CTNNA1: variants seen among roughly 807,000 people sequenced by gnomAD.
CTNNA1 encodes the protein catenin alpha-1.
A neutral mutation model predicts 98.4 loss-of-function variants in CTNNA1; 37 were observed. The observed-to-expected ratio is 0.38, with a 90% CI of 0.29 to 0.49. CTNNA1 has a LOEUF of 0.49. Ranked by LOEUF, CTNNA1 falls within the 20% of genes least tolerant of loss-of-function variation. The pLI is 0.95. For missense variants in CTNNA1, 761 were observed against 1,147.2 expected (o/e 0.66, Z 4.86); for synonymous variants, 404 against 413.2 (o/e 0.98, Z 0.27).
At chr5:138,796,357 C>A (rs770946934) in intron 3 of CTNNA1, among the ~76,000 whole-genome samples, 16 of 150,250 alleles carry the variant, frequency 1.1e-4, no homozygotes, top group Admixed American at 1.3e-4. Context: ...GAGATCGAGA[C>A]CACGGTGAAA....
At chr5:138,787,298 T>C (rs570428848) in intron 3 of CTNNA1, among the ~76,000 whole-genome samples, 1 of 152,028 alleles carries the variant, frequency 6.6e-6, no homozygotes, top group South Asian at 2.1e-4. Flanking sequence ...GGCGTGTTGG[T>C]GGGCACCTGT....
chr5:138,894,281 C>CTTTTT (rs539073038), intron 9 of CTNNA1, among the ~76,000 whole-genome samples: 6 of 123,934 alleles, frequency 4.8e-5, no homozygotes, highest in Non-Finnish European at 7.9e-5. Flanking sequence ...TTTTCTTTCT[C>CTTTTT]TTTTTTTTTT....
At chr5:138,933,105 G>T (rs897361694) in intron 17 of CTNNA1, 1 of 655,582 alleles carries the variant, frequency 1.5e-6, no homozygotes, top group African/African-American at 1.8e-5. Context: ...CTGCACTCCC[G>T]TCTGGGCAAC....
chr5:138,874,992 A>T lies in CTNNA1; in HGVS notation c.1063-11220A>T. Reference sequence around the variant, plus strand: ...GAGTCTGTAAAAGGCTCTAACATGTAGGAGCCTTTGACCAGTTTCCTGTTT... The same window carrying T: ...GAGTCTGTAAAAGGCTCTAACATGTTGGAGCCTTTGACCAGTTTCCTGTTT... On this transcript the variant is annotated intron_variant, in intron 7 of 17. Transcript: ENST00000302763. The surrounding 1 kb of genome is among the most constrained non-coding windows in gnomAD (Gnocchi z 4.1). The T allele has an allele frequency of 8.4e-6, 12 of 1,431,446 alleles. No homozygotes were observed. The highest frequency in any genetic ancestry group is 1.2e-5 in the Non-Finnish European group (12 of 1,022,976). 88.7% of individuals were successfully genotyped at this position (1,431,446 alleles called of 1,614,324 possible).
At chr5:138,803,052 C>T (rs951506443) in intron 3 of CTNNA1, among the ~76,000 whole-genome samples, 1 of 152,138 alleles carries the variant, frequency 6.6e-6, no homozygotes, top group African/African-American at 2.4e-5. Context: ...ATCCTCCTGC[C>T]TCAGCTTCCC....
At chr5:138,793,530 T>C (rs1756594895) in intron 3 of CTNNA1, among the ~76,000 whole-genome samples, 1 of 152,212 alleles carries the variant, frequency 6.6e-6, no homozygotes, top group Non-Finnish European at 1.5e-5. Context: ...GATAATAATA[T>C]TTATGAGTTA....
chr5:138,810,028 T>C lies in CTNNA1; in HGVS notation c.302-10T>C. 1 of 1,591,292 alleles carries C rather than the reference T, an allele frequency of 6.3e-7. No individual in the cohort carries two copies. The highest frequency in any genetic ancestry group is 8.6e-7 in the Non-Finnish European group (1 of 1,161,580). On this transcript the variant is annotated splice_polypyrimidine_tract_variant and intron_variant, in intron 3 of 17. Transcript: ENST00000302763. ...TTCTTGCTGAGTTTGTTTTTCATTC[T>C]GTAAAACAGGTGATTTGATGAAGGC...
At chr5:138,851,621 C>T (rs924081822) in intron 7 of CTNNA1, among the ~76,000 whole-genome samples, 5 of 151,238 alleles carry the variant, frequency 3.3e-5, no homozygotes, top group African/African-American at 7.3e-5. Flanking sequence ...TAGCTGGGCG[C>T]GGTGGCATAC....
intron 7 of CTNNA1, among the ~76,000 whole-genome samples, chr5:138,860,428 C>G (rs1179573817): frequency 6.6e-6 from 1 of 152,148 alleles, no homozygotes; most frequent in Non-Finnish European, 1.5e-5. Context: ...AAATTCCTGA[C>G]CACCTGCTGT....
intron 7 of CTNNA1, among the ~76,000 whole-genome samples, chr5:138,844,594 G>A (rs1428605416): frequency 6.6e-6 from 1 of 152,166 alleles, no homozygotes; most frequent in African/African-American, 2.4e-5. Flanking sequence ...AAGACATAGG[G>A]AGCTTTGTTT....
chr5:138,792,190 G>A (rs1443870453), intron 3 of CTNNA1, among the ~76,000 whole-genome samples: 9 of 152,274 alleles, frequency 5.9e-5, no homozygotes, highest in African/African-American at 1.9e-4. Flanking sequence ...GAAAAAATGT[G>A]TACACACATG....
intron 7 of CTNNA1, among the ~76,000 whole-genome samples, chr5:138,865,572 C>T (rs1223610490): frequency 6.6e-6 from 1 of 152,124 alleles, no homozygotes; most frequent in African/African-American, 2.4e-5. Flanking sequence ...GTTTTGGCCA[C>T]CAGGAAGATC....
chr5:138,780,275 C>T (rs1276662061), intron 1 of CTNNA1, among the ~76,000 whole-genome samples: 3 of 151,748 alleles, frequency 2.0e-5, no homozygotes, highest in African/African-American at 4.8e-5. Flanking sequence ...CTGCAAGCTC[C>T]GTCTCTGGGG....
rs537029148 is a variant in CTNNA1, at chr5:138,917,699, ACT to A, written c.1390-40_1390-39del. 1.4e-3 allele frequency: 2,306 copies of A among 1,601,316 alleles called. 3 individuals carry two copies. The highest frequency in any genetic ancestry group is 1.8e-3 in the Non-Finnish European group (2,129 of 1,172,166). ...GAAATGCATGTAAGACAAAGCCATG[ACT>A]CTGAAAAAGAGTAAACAGTGAAGTT... On this transcript the variant is annotated intron_variant, in intron 10 of 17. Transcript: ENST00000302763.
At chr5:138,848,390 CTTTT>C (rs934655656) in intron 7 of CTNNA1, among the ~76,000 whole-genome samples, 7 of 152,030 alleles carry the variant, frequency 4.6e-5, no homozygotes, top group African/African-American at 1.7e-4. Context: ...TTTAAGTCCT[CTTTT>C]TTTTGTTTGT....
In CTNNA1 at chr5:138,794,289, T is replaced by C. The variant is rs565248643; in HGVS notation, c.301+10917T>C. Among the ~76,000 whole-genome samples, 3 of 152,268 alleles carry C rather than the reference T, an allele frequency of 2.0e-5. No individual in the cohort carries two copies. In the East Asian group the frequency reaches 5.8e-4, roughly 29 times the overall value. On this transcript the variant is annotated intron_variant, in intron 3 of 17. Coordinates refer to ENST00000302763, the MANE Select transcript of CTNNA1 (RefSeq NM_001903.5). The stretch of plus-strand genomic sequence containing the variant: ...GCCTTGGCCTCCCAAAGTGCTGGGA[T>C]TACAGGCATGAGCCACTGGGCCTGG...
chr5:138,904,447 G>A lies in CTNNA1; in HGVS notation c.1389+6G>A, dbSNP rs759962817. ...TAGAAGCCCTCTGTCCTCAGGTAAA[G>A]TACAACTGACACTGGTGACAGCATA... On this transcript the variant is annotated splice_donor_region_variant and intron_variant, in intron 10 of 17. Transcript: ENST00000302763. 8.1e-6 allele frequency: 13 copies of A among 1,612,354 alleles called. No individual in the cohort carries two copies. Among genetic ancestry groups the A allele is most frequent in the Non-Finnish European group, 1.0e-5 (12 of 1,179,218 alleles).
In CTNNA1 at chr5:138,912,162, G is replaced by GT. The variant is rs1184342595; in HGVS notation, c.1390-5577dup. The stretch of plus-strand genomic sequence containing the variant: ...GGAACTGGGGTCCCTAACATTGAGA[G>GT]TTTCAGGAGGTGAGCAGTGGCCAGC... On this transcript the variant is annotated intron_variant, in intron 10 of 17. Transcript: ENST00000302763. Among the ~76,000 whole-genome samples, 14 of 152,290 alleles carry GT rather than the reference G, an allele frequency of 9.2e-5. No homozygotes were observed. The East Asian group carries it at 2.5e-3, about 27-fold the overall frequency.
intron 3 of CTNNA1, among the ~76,000 whole-genome samples, chr5:138,795,873 A>T (rs889822600): frequency 2.0e-5 from 3 of 152,328 alleles, no homozygotes; most frequent in African/African-American, 7.2e-5. Context: ...AAAAAATGAA[A>T]ACTTACAATT....
Sources: allele counts gnomAD v4.1 joint callset (sites outside exome capture counted in the v4.1 genomes callset), GRCh38; gene constraint gnomAD v4.1.1; non-coding constraint Gnocchi (gnomAD v3.1); transcripts MANE v1.5; gene names NCBI Gene and HGNC (gene_info 2026-07-23, HGNC 2026-07-21).